The following RGL1 variants were observed in gnomAD, a reference collection of about 807,000 sequenced individuals.
The protein encoded by RGL1 is ral guanine nucleotide dissociation stimulator like 1, also known as ral guanine nucleotide dissociation stimulator-like 1.
In RGL1, 24 loss-of-function variants were observed where a neutral mutation model predicts 95.2. The observed-to-expected ratio is 0.25, with a 90% CI of 0.18 to 0.35. The LOEUF is 0.35. Among genes scored for constraint, RGL1 ranks in the 10% least tolerant of loss-of-function variants. The probability of loss-of-function intolerance (pLI) is 1.00; values close to 1 mark genes in which losing one functional copy is unlikely to be tolerated. For synonymous variants in RGL1, 329 were observed against 344.9 expected (o/e 0.95, Z 0.51); for missense variants, 715 against 936.3 (o/e 0.76, Z 3.08).
At chr1:183,655,394 A>G (rs1026249387) in intron 1 of RGL1, among the ~76,000 whole-genome samples, 2 of 152,248 alleles carry the variant, frequency 1.3e-5, no homozygotes, top group African/African-American at 4.8e-5. Flanking sequence ...TACCCAAGTA[A>G]TTATATAATT....
chr1:183,897,659 C>T (rs936266008), intron 9 of RGL1, 149 bp from the exon 10 acceptor site: 4 of 572,286 alleles, frequency 7.0e-6, no homozygotes, highest in Admixed American at 6.1e-5. Flanking sequence ...TAATATACAT[C>T]GTGAGAGCCT....
chr1:183,648,005 C>G, intron 1 of RGL1: 1 of 1,614,218 alleles, frequency 6.2e-7, no homozygotes, highest in Non-Finnish European at 8.5e-7. Flanking sequence ...AGGGGTAGCT[C>G]TCTAAAGCCT....
chr1:183,738,922 A>T (rs1037274502), intron 1 of RGL1, among the ~76,000 whole-genome samples: 30 of 152,176 alleles, frequency 2.0e-4, no homozygotes. Context: ...AGAAAAGAAT[A>T]AAGAGAGTAT....
At chr1:183,871,496 A>C (rs925476993) in intron 4 of RGL1, among the ~76,000 whole-genome samples, 3 of 152,186 alleles carry the variant, frequency 2.0e-5, no homozygotes, top group African/African-American at 7.2e-5. Context: ...GGGGATGGGG[A>C]CAGGGACTCA....
upstream of RGL1, among the ~76,000 whole-genome samples, chr1:183,800,484 T>C (rs1419907644): frequency 6.6e-6 from 1 of 152,192 alleles, no homozygotes; most frequent in Non-Finnish European, 1.5e-5. Context: ...ACACCAAATA[T>C]GGCAACACAA....
intron 2 of RGL1, among the ~76,000 whole-genome samples, chr1:183,837,506 T>C (rs752828749): frequency 2.0e-4 from 31 of 152,262 alleles, no homozygotes; most frequent in Non-Finnish European, 3.8e-4. Context: ...ATTTGTGATC[T>C]TATTTGGCAA....
intron 1 of RGL1, among the ~76,000 whole-genome samples, chr1:183,679,964 C>A (rs1653100462): frequency 6.6e-6 from 1 of 152,054 alleles, no homozygotes; most frequent in African/African-American, 2.4e-5. Context: ...CTCTAATGAC[C>A]AGTGATGATG....
chr1:183,691,506 C>G lies in RGL1; in HGVS notation c.-32-50620C>G, dbSNP rs911615160. On this transcript the variant is annotated intron_variant, in intron 1 of 18. Transcript: ENST00000304685. Reference sequence around the variant, plus strand: ...AAAGGATTGCAATAAAAAAGAGTTTCATATTATTGGTTTATGTAATTGATA... The same window carrying G: ...AAAGGATTGCAATAAAAAAGAGTTTGATATTATTGGTTTATGTAATTGATA... 1.3e-5 allele frequency among the ~76,000 whole-genome samples: 2 copies of G among 152,120 alleles called. 1 individual carries two copies. The highest frequency in any genetic ancestry group is 1.3e-4 in the Admixed American group (2 of 15,274).
intron 2 of RGL1, among the ~76,000 whole-genome samples, chr1:183,826,469 G>A (rs995888574): frequency 6.6e-6 from 1 of 152,100 alleles, no homozygotes; most frequent in Non-Finnish European, 1.5e-5. Flanking sequence ...ATGGGTTTTG[G>A]TTGTTTTTTT....
chr1:183,813,565 A>G (rs1661869804), intron 2 of RGL1, among the ~76,000 whole-genome samples: 2 of 152,202 alleles, frequency 1.3e-5, no homozygotes, highest in Non-Finnish European at 2.9e-5. Context: ...AACAAATTGA[A>G]TCTGAAGACC....
In RGL1 at chr1:183,813,809, C is replaced by G. The variant is rs113635070; in HGVS notation, c.138+7324C>G. ...TCACTCTGATTGCTAATTCTCACTC[C>G]TTGTATAAAAGAAAAATTTCAGTAA... On this transcript the variant is annotated intron_variant, in intron 2 of 17. Transcript: ENST00000360851. Among the ~76,000 whole-genome samples the G allele has an allele frequency of 1.2e-3, 188 of 152,260 alleles. 1 individual carries two copies. Among genetic ancestry groups the G allele is most frequent in the African/African-American group, 4.3e-3 (178 of 41,550 alleles).
At chr1:183,648,308 A>G in intron 1 of RGL1, 1 of 1,614,216 alleles carries the variant, frequency 6.2e-7, no homozygotes, top group Non-Finnish European at 8.5e-7. Context: ...TCTCAGTATG[A>G]TAGAGCTGAG....
intron 1 of RGL1, among the ~76,000 whole-genome samples, chr1:183,734,221 C>T (rs1656799896): frequency 6.6e-6 from 1 of 152,164 alleles, no homozygotes; most frequent in South Asian, 2.1e-4. Context: ...AGAAGTCCAC[C>T]TCTGAATCCT....
intron 2 of RGL1, among the ~76,000 whole-genome samples, chr1:183,792,062 G>A (rs1289484155): frequency 2.0e-5 from 3 of 151,896 alleles, no homozygotes; most frequent in South Asian, 4.1e-4. Context: ...CCCCAGAACT[G>A]AGCTGATATT....
chr1:183,677,403 C>G (rs16861453), intron 1 of RGL1, among the ~76,000 whole-genome samples: 12,313 of 152,042 alleles, frequency 0.081, 920 homozygotes, highest in African/African-American at 0.2. Flanking sequence ...ACTAGAAACT[C>G]CAAAGGGGAG....
intron 2 of RGL1, among the ~76,000 whole-genome samples, chr1:183,769,018 CA>C (rs1355166121): frequency 1.3e-5 from 2 of 152,142 alleles, no homozygotes; most frequent in African/African-American, 4.8e-5. Flanking sequence ...TAATGAACAT[CA>C]AAAATGATTT....
At chr1:183,674,488 C>T (rs12038834) in intron 1 of RGL1, among the ~76,000 whole-genome samples, 4,017 of 152,246 alleles carry the variant, frequency 0.026, 70 homozygotes, top group East Asian at 0.081. Flanking sequence ...CCTTTTTACT[C>T]TGAGACCTTG....
chr1:183,846,785 C>CA (rs1211080114), intron 2 of RGL1, among the ~76,000 whole-genome samples: 1 of 152,168 alleles, frequency 6.6e-6, no homozygotes, highest in African/African-American at 2.4e-5. Flanking sequence ...GAGGCTGAGG[C>CA]AGGAGAATTA....
chr1:183,640,614 A>G (rs1017049047), intron 1 of RGL1, among the ~76,000 whole-genome samples: 1 of 152,228 alleles, frequency 6.6e-6, no homozygotes, highest in African/African-American at 2.4e-5. Flanking sequence ...ATGATGATAT[A>G]AAATGAAAGC....
Sources: allele counts gnomAD v4.1 joint callset (sites outside exome capture counted in the v4.1 genomes callset), GRCh38; gene constraint gnomAD v4.1.1; transcripts MANE v1.5; gene names NCBI Gene and HGNC (gene_info 2026-07-23, HGNC 2026-07-21).